ASTN1: variants seen among roughly 807,000 people sequenced by gnomAD.
ASTN1 encodes the protein astrotactin-1.
ASTN1 carries 41 observed loss-of-function variants against 140.7 expected under a neutral mutation model. That is an observed-to-expected ratio of 0.29 (90% CI 0.23 to 0.38). The LOEUF (loss-of-function observed/expected upper bound fraction) is 0.38, where lower values mean the gene tolerates loss of function less well. Among genes scored for constraint, ASTN1 ranks in the 10% least tolerant of loss-of-function variants. The pLI is 1.00. For synonymous variants in ASTN1, 640 were observed against 652.2 expected (o/e 0.98, Z 0.29); for missense variants, 1,479 against 1,678.8 (o/e 0.88, Z 2.08).
intron 21 of ASTN1, among the ~76,000 whole-genome samples, chr1:176,873,542 A>C (rs545437538): frequency 6.6e-6 from 1 of 152,286 alleles, no homozygotes; most frequent in Admixed American, 6.5e-5. Flanking sequence ...GGTAATTCCC[A>C]TTTGTTATTG....
chr1:177,149,450 T>C (rs1343259706), intron 1 of ASTN1, among the ~76,000 whole-genome samples: 13 of 78,806 alleles, frequency 1.6e-4, no homozygotes, highest in Non-Finnish European at 6.1e-5. Flanking sequence ...ATATAGTATA[T>C]ATATAGTAAA....
At chr1:177,008,361 A>G (rs914705981) in intron 8 of ASTN1, among the ~76,000 whole-genome samples, 2 of 150,734 alleles carry the variant, frequency 1.3e-5, no homozygotes, top group Admixed American at 1.3e-4. Context: ...CTAGGGGAAG[A>G]GGAGAAGATA....
At position 176,957,728 on chromosome 1, in the gene ASTN1, T is replaced by C; in HGVS notation, c.1837A>G (p.Lys613Glu). 3.1e-6 allele frequency: 5 copies of C among 1,614,138 alleles called. No individual in the cohort carries two copies. Among genetic ancestry groups the C allele is most frequent in the Non-Finnish European group, 4.2e-6 (5 of 1,179,990 alleles). Residue 613 changes from lysine (K) to glutamate (E), a missense_variant, in exon 11 of 23, where the codon AAG becomes GAG. Physicochemically the swap from Lys to Glu is moderately conservative, Grantham distance 56 (BLOSUM62 1). Around this residue, in one of 3 missense-constraint regions of ASTN1, gnomAD observed 729 missense variants for 860.4 expected, o/e 0.85. Transcript: ENST00000361833. ...DCSKDNGGCS[K>E]NFRCISDRKL... ...CGATCTGAAATACAGCGGAAATTCT[T>C]ACTGCAGCCCCCGTTATCTTTGCTG...
chr1:177,156,317 G>A (rs1456253859), intron 1 of ASTN1, among the ~76,000 whole-genome samples: 1 of 150,748 alleles, frequency 6.6e-6, no homozygotes, highest in Non-Finnish European at 1.5e-5. Context: ...GCTGCTTGGA[G>A]AAATAGCTGA....
At chr1:176,873,113 C>G (rs1668416090) in intron 21 of ASTN1, among the ~76,000 whole-genome samples, 1 of 152,104 alleles carries the variant, frequency 6.6e-6, no homozygotes, top group Non-Finnish European at 1.5e-5. Context: ...ATTCTAATTG[C>G]TTTTGTGTGT....
At chr1:176,986,327 C>G (rs1020977868) in intron 8 of ASTN1, among the ~76,000 whole-genome samples, 1 of 152,108 alleles carries the variant, frequency 6.6e-6, no homozygotes, top group Non-Finnish European at 1.5e-5. Context: ...TTATTAACAT[C>G]AAGAGAAAAG....
intron 7 of ASTN1, among the ~76,000 whole-genome samples, chr1:177,017,926 A>G (rs1675641354): frequency 6.6e-6 from 1 of 152,196 alleles, no homozygotes; most frequent in African/African-American, 2.4e-5. Context: ...AAAACCTTGA[A>G]GCTAGGGGTC....
intron 1 of ASTN1, among the ~76,000 whole-genome samples, chr1:177,088,329 A>G (rs991461461): frequency 3.3e-5 from 5 of 152,258 alleles, no homozygotes; most frequent in African/African-American, 9.6e-5. Context: ...TTCACTCCTA[A>G]GGTGCCCAGC....
intron 1 of ASTN1, among the ~76,000 whole-genome samples, chr1:177,113,938 G>T (rs1680948268): frequency 6.6e-6 from 1 of 152,168 alleles, no homozygotes; most frequent in African/African-American, 2.4e-5. Context: ...AGTAAAACTG[G>T]CTCATAATAA....
intron 17 of ASTN1, among the ~76,000 whole-genome samples, chr1:176,893,408 T>C (rs1428199587): frequency 2.0e-5 from 3 of 152,214 alleles, no homozygotes; most frequent in Non-Finnish European, 2.9e-5. Context: ...GTCTCTTTTC[T>C]ACCACTCCTC....
chr1:177,060,259 G>A (rs1318426387), intron 2 of ASTN1, among the ~76,000 whole-genome samples: 1 of 152,140 alleles, frequency 6.6e-6, no homozygotes, highest in Non-Finnish European at 1.5e-5. Flanking sequence ...GTAGGAGAAG[G>A]AATGTTAATA....
chr1:177,003,451 A>AT (rs937296688), intron 8 of ASTN1, among the ~76,000 whole-genome samples: 2 of 152,184 alleles, frequency 1.3e-5, no homozygotes, highest in Non-Finnish European at 2.9e-5. Flanking sequence ...ACTCTTTATG[A>AT]TAAAAACTCT....
Position 176,915,479 on chromosome 1 carries a change from C to T in ASTN1, c.2671+18673G>A, listed in dbSNP as rs564628190. On this transcript the variant is annotated intron_variant, in intron 16 of 22. Coordinates refer to ENST00000361833, the MANE Select transcript of ASTN1 (RefSeq NM_004319.3). ...CAGACTTTCCCAGCAACCTCCAGAACACTTGATTATTGGATTTTTCACAGT... is the reference window on the plus strand; with the variant it reads ...CAGACTTTCCCAGCAACCTCCAGAATACTTGATTATTGGATTTTTCACAGT... Among the ~76,000 whole-genome samples, 33 of 152,264 alleles carry T rather than the reference C, an allele frequency of 2.2e-4. No homozygotes were observed. The South Asian group carries it at 6.8e-3, about 32-fold the overall frequency.
intron 8 of ASTN1, among the ~76,000 whole-genome samples, chr1:176,994,325 T>G (rs1674338642): frequency 6.6e-6 from 1 of 152,088 alleles, no homozygotes; most frequent in Admixed American, 6.6e-5. Context: ...CTCTTTCCTG[T>G]CTCAATTATC....
chr1:177,044,165 G>GA (rs1033255179), intron 2 of ASTN1, among the ~76,000 whole-genome samples: 27 of 128,028 alleles, frequency 2.1e-4, no homozygotes, highest in South Asian at 7.8e-4. Context: ...TTTAAGAAAT[G>GA]AAAAAAAAAA....
chr1:176,972,166 T>C (rs1571587849), intron 8 of ASTN1, among the ~76,000 whole-genome samples: 1 of 152,218 alleles, frequency 6.6e-6, no homozygotes, highest in Admixed American at 6.5e-5. Context: ...TTTTACAATT[T>C]CATGGGAACA....
intron 7 of ASTN1, among the ~76,000 whole-genome samples, chr1:177,016,720 T>C (rs1165865547): frequency 1.3e-5 from 2 of 152,164 alleles, no homozygotes; most frequent in African/African-American, 4.8e-5. Context: ...CCCATATGAG[T>C]AGGTCTTTGA....
chr1:177,044,275 G>A (rs982682955), intron 2 of ASTN1, among the ~76,000 whole-genome samples: 2 of 151,152 alleles, frequency 1.3e-5, no homozygotes, highest in African/African-American at 4.9e-5. Context: ...GCCCCAGGCT[G>A]TCAGCCTTGT....
intron 2 of ASTN1, among the ~76,000 whole-genome samples, chr1:177,040,435 C>T (rs1319316760): frequency 2.0e-5 from 3 of 152,216 alleles, no homozygotes; most frequent in Admixed American, 2.0e-4. Flanking sequence ...GATGCTTCAG[C>T]ATCCCCTTCC....
Sources: gnomAD v4.1 joint callset for allele counts (sites outside exome capture counted in the v4.1 genomes callset) on GRCh38, gnomAD v4.1.1 for gene constraint, gnomAD v4.1.1 regional missense constraint, MANE v1.5 for transcripts, NCBI Gene and HGNC (gene_info 2026-07-23, HGNC 2026-07-21) for gene names.